The following PCDH9 variants were observed in gnomAD, a reference collection of about 807,000 sequenced individuals.
The protein encoded by PCDH9 is protocadherin 9, also known as protocadherin-9.
PCDH9 carries 24 observed loss-of-function variants against 70.6 expected under a neutral mutation model. That is an observed-to-expected ratio of 0.34 (90% CI 0.25 to 0.48). The LOEUF (loss-of-function observed/expected upper bound fraction) is 0.48, where lower values mean the gene tolerates loss of function less well. Among genes scored for constraint, PCDH9 ranks in the 20% least tolerant of loss-of-function variants. The pLI is 0.99. For synonymous variants in PCDH9, 562 were observed against 558.5 expected, an observed-to-expected ratio of 1.01 and a Z score of -0.09; for missense variants, 1,281 against 1,503.6, an observed-to-expected ratio of 0.85 and a Z score of 2.45.
intron 4 of PCDH9, among the ~76,000 whole-genome samples, chr13:66,543,788 C>G (rs1020708256): frequency 6.6e-6 from 1 of 152,154 alleles, no homozygotes; most frequent in African/African-American, 2.4e-5. Flanking sequence ...AAATGAAACA[C>G]AGTACACAGT....
At chr13:66,709,994 A>G (rs2078770604) in intron 3 of PCDH9, among the ~76,000 whole-genome samples, 1 of 152,154 alleles carries the variant, frequency 6.6e-6, no homozygotes, top group Non-Finnish European at 1.5e-5. Context: ...TAAAATATCA[A>G]TGGATTTTTC....
chr13:67,149,957 T>G (rs1392305487), intron 2 of PCDH9, among the ~76,000 whole-genome samples: 1 of 152,182 alleles, frequency 6.6e-6, no homozygotes, highest in Admixed American at 6.5e-5. Flanking sequence ...AGCCAAAATT[T>G]CAAAAATAAA....
intron 2 of PCDH9, among the ~76,000 whole-genome samples, chr13:66,929,972 T>G (rs1418413292): frequency 2.0e-5 from 3 of 152,170 alleles, no homozygotes; most frequent in Admixed American, 1.3e-4. Context: ...TACTACCAGT[T>G]GGTAGTTATC....
At chr13:66,622,865 G>A (rs958216704) in intron 4 of PCDH9, among the ~76,000 whole-genome samples, 1 of 152,142 alleles carries the variant, frequency 6.6e-6, no homozygotes, top group African/African-American at 2.4e-5. Context: ...CTCACTCTTT[G>A]TGTCCACACT....
At chr13:66,761,352 C>T (rs1351156082) in intron 3 of PCDH9, among the ~76,000 whole-genome samples, 2 of 152,066 alleles carry the variant, frequency 1.3e-5, no homozygotes, top group Non-Finnish European at 2.9e-5. Flanking sequence ...GCTGGCTCCC[C>T]CAATAGTTGG....
chr13:66,690,424 A>G (rs939537531), intron 3 of PCDH9, among the ~76,000 whole-genome samples: 3 of 152,160 alleles, frequency 2.0e-5, no homozygotes, highest in African/African-American at 7.2e-5. Flanking sequence ...AACAAATACA[A>G]ATGTAACCTA....
At chr13:66,796,820 T>C (rs1388977772) in intron 3 of PCDH9, among the ~76,000 whole-genome samples, 1 of 152,094 alleles carries the variant, frequency 6.6e-6, no homozygotes, top group African/African-American at 2.4e-5. Context: ...TAAAAGTGTA[T>C]TAACGGTTGA....
chr13:67,209,316 T>C (rs1030090023), intron 2 of PCDH9: 6 of 152,114 alleles, frequency 3.9e-5, no homozygotes, highest in African/African-American at 9.7e-5. Context: ...CCTCTTCAAA[T>C]TGGAAGTGTT....
rs374779283 is a variant in PCDH9, at chr13:67,169,546, A to G, written c.3036+55859T>C. Among the ~76,000 whole-genome samples, 6 of 152,274 alleles carry G rather than the reference A, an allele frequency of 3.9e-5. No individual in the cohort carries two copies. The South Asian group carries it at 6.2e-4, about 16-fold the overall frequency. On this transcript the variant is annotated intron_variant, in intron 2 of 4. Transcript: ENST00000377865. ...ATTCTGAAGTGCTCATTGTTTAATTATTGTTATTGAAATGTTCCACAATAA... is the reference window on the plus strand; with the variant it reads ...ATTCTGAAGTGCTCATTGTTTAATTGTTGTTATTGAAATGTTCCACAATAA...
At chr13:66,614,353 T>A (rs909985501) in intron 4 of PCDH9, among the ~76,000 whole-genome samples, 2 of 152,250 alleles carry the variant, frequency 1.3e-5, no homozygotes, top group Non-Finnish European at 2.9e-5. Flanking sequence ...AAAAAGGGTA[T>A]TTATGGTTTT....
At chr13:66,875,406 T>C (rs2081787716) in intron 3 of PCDH9, among the ~76,000 whole-genome samples, 1 of 152,178 alleles carries the variant, frequency 6.6e-6, no homozygotes, top group South Asian at 2.1e-4. Context: ...TTATGCACTG[T>C]GGTAGGAAAT....
At chr13:66,520,689 C>T (rs1593614054) in intron 4 of PCDH9, among the ~76,000 whole-genome samples, 1 of 152,238 alleles carries the variant, frequency 6.6e-6, no homozygotes, top group Admixed American at 6.5e-5. Context: ...TGCCTCAGGG[C>T]TTATCAAGTC....
At chr13:66,514,184 A>C (rs1267913349) in intron 4 of PCDH9, among the ~76,000 whole-genome samples, 4 of 152,124 alleles carry the variant, frequency 2.6e-5, no homozygotes, top group African/African-American at 9.7e-5. Context: ...TTAGGCATAC[A>C]CAGTACTGTA....
At chr13:67,123,294 G>A (rs2086912080) in intron 2 of PCDH9, among the ~76,000 whole-genome samples, 1 of 152,130 alleles carries the variant, frequency 6.6e-6, no homozygotes, top group South Asian at 2.1e-4. Flanking sequence ...TATAAGAAAT[G>A]CTGAGAGATG....
chr13:66,386,066 AT>A (rs1956924179), intron 4 of PCDH9, among the ~76,000 whole-genome samples: 2 of 152,002 alleles, frequency 1.3e-5, no homozygotes, highest in African/African-American at 4.8e-5. Flanking sequence ...CATTAATTTA[AT>A]GGTCCATAGG....
chr13:66,955,516 G>T (rs1343698787), intron 2 of PCDH9, among the ~76,000 whole-genome samples: 2 of 152,100 alleles, frequency 1.3e-5, no homozygotes, highest in Non-Finnish European at 2.9e-5. Flanking sequence ...GGGTCACATT[G>T]TTGGGACTTT....
intron 3 of PCDH9, among the ~76,000 whole-genome samples, chr13:66,778,087 A>T (rs1414181938): frequency 1.5e-5 from 2 of 137,394 alleles, no homozygotes; most frequent in East Asian, 2.4e-4. Context: ...AACAATGAGA[A>T]CACATGGACA....
intron 2 of PCDH9, among the ~76,000 whole-genome samples, chr13:67,053,699 T>A (rs970374895): frequency 5.3e-5 from 8 of 152,190 alleles, no homozygotes; most frequent in Admixed American, 5.2e-4. Flanking sequence ...ATGATTTGCC[T>A]TTTAAGACAA....
At chr13:66,961,163 A>T (rs1246446858) in intron 2 of PCDH9, among the ~76,000 whole-genome samples, 1 of 152,230 alleles carries the variant, frequency 6.6e-6, no homozygotes, top group Admixed American at 6.5e-5. Flanking sequence ...CTATAATTCT[A>T]TTTAAAGTAT....
Sources: gnomAD v4.1 joint callset for allele counts (sites outside exome capture counted in the v4.1 genomes callset) on GRCh38, gnomAD v4.1.1 for gene constraint, MANE v1.5 for transcripts, NCBI Gene and HGNC (gene_info 2026-07-23, HGNC 2026-07-21) for gene names.